Variants in PLCB4 observed in about 807,000 individuals in gnomAD.
The protein encoded by PLCB4 is 1-phosphatidylinositol 4,5-bisphosphate phosphodiesterase beta-4.
Under a neutral mutation model 178.8 loss-of-function variants are expected in PLCB4, and 77 were observed. The observed-to-expected ratio is 0.43, with a 90% CI of 0.36 to 0.52. PLCB4 has a LOEUF of 0.52. PLCB4 is among the 20% of genes least tolerant of loss of function. The pLI is 0.00. For synonymous variants in PLCB4, 496 were observed against 490.8 expected, an observed-to-expected ratio of 1.01 and a Z score of -0.14; for missense variants, 1,024 against 1,453.4, an observed-to-expected ratio of 0.70 and a Z score of 4.80.
chr20:9,280,428 C>G (rs945231651), intron 3 of PLCB4: 2 of 982,752 alleles, frequency 2.0e-6, no homozygotes, highest in African/African-American at 3.5e-5. Flanking sequence ...TTCTCCACTT[C>G]GATCTGAAAG....
At position 9,472,679 on chromosome 20, in the gene PLCB4, A is replaced by G. The variant is rs1373438785; in HGVS notation, c.3351-111A>G. The G allele has an allele frequency of 5.4e-6, 3 of 559,358 alleles. No homozygotes were observed. In the African/African-American group the frequency reaches 6.0e-5, roughly 11 times the overall value. 34.6% of individuals were successfully genotyped at this position (559,358 alleles called of 1,614,324 possible). A position where few individuals can be genotyped will look rare whatever the true frequency, so the allele number is the denominator to read the frequency against. ...TACTGCAATAACAATTAGAAAAATA[A>G]AGCAATAATTCCATCCAGAGAATTT... On this transcript the variant is annotated intron_variant, in intron 36 of 39. Transcript: ENST00000378473.
At chr20:9,402,217 G>A (rs1328020616) in intron 20 of PLCB4, among the ~76,000 whole-genome samples, 1 of 152,150 alleles carries the variant, frequency 6.6e-6, no homozygotes, top group Non-Finnish European at 1.5e-5. Flanking sequence ...TACAACTTAC[G>A]GTGAGTGCAA....
chr20:9,177,364 A>G (rs930514446), intron 2 of PLCB4, among the ~76,000 whole-genome samples: 1 of 152,198 alleles, frequency 6.6e-6, no homozygotes, highest in African/African-American at 2.4e-5. Flanking sequence ...AGATATGATA[A>G]CTAATTAAAC....
At position 9,457,404 on chromosome 20, in the gene PLCB4, C is replaced by G; in HGVS notation, c.2997-10C>G. Reference sequence around the variant, plus strand: ...ATTTCTGGCATGCATTTGCAACTTTCCATTTTCAGGGGAAGTAATTGTCTC... The same window carrying G: ...ATTTCTGGCATGCATTTGCAACTTTGCATTTTCAGGGGAAGTAATTGTCTC... On this transcript the variant is annotated splice_polypyrimidine_tract_variant and intron_variant, in intron 33 of 39. Transcript: ENST00000378473. The G allele has an allele frequency of 7.1e-7, 1 of 1,405,768 alleles. No homozygotes were observed. Among genetic ancestry groups the G allele is most frequent in the Non-Finnish European group, 1.0e-6 (1 of 990,096 alleles). The allele number at this position is 1,405,768 out of a possible 1,614,324, so 87.1% of individuals were successfully genotyped here.
intron 35 of PLCB4, among the ~76,000 whole-genome samples, chr20:9,461,974 A>G (rs1025553305): frequency 6.6e-6 from 1 of 152,130 alleles, no homozygotes; most frequent in African/African-American, 2.4e-5. Flanking sequence ...CCTGACCCCC[A>G]TGTAGCCTAA....
chr20:9,265,081 C>A (rs1259416294), intron 3 of PLCB4, among the ~76,000 whole-genome samples: 1 of 152,172 alleles, frequency 6.6e-6, no homozygotes, highest in East Asian at 1.9e-4. Flanking sequence ...CATTTAGAAA[C>A]CCTTTCTTGG....
At chr20:9,315,437 A>G (rs976233128) in intron 4 of PLCB4, among the ~76,000 whole-genome samples, 8 of 152,220 alleles carry the variant, frequency 5.3e-5, no homozygotes, top group African/African-American at 1.9e-4. Flanking sequence ...CAGCGGCAGG[A>G]GACCAACAAT....
chr20:9,142,550 A>C (rs1467229360), intron 2 of PLCB4, among the ~76,000 whole-genome samples: 1 of 152,136 alleles, frequency 6.6e-6, no homozygotes, highest in African/African-American at 2.4e-5. Flanking sequence ...TAAGCAGGGA[A>C]GTGAAAAAAG....
At chr20:9,393,180 C>T (rs13038149) in intron 17 of PLCB4, among the ~76,000 whole-genome samples, 11,854 of 152,174 alleles carry the variant, frequency 0.078, 515 homozygotes, top group African/African-American at 0.095. Flanking sequence ...CAGCCTGACA[C>T]TTGGGGGGAT....
At chr20:9,344,418 C>T (rs1194337391) in intron 7 of PLCB4, among the ~76,000 whole-genome samples, 1 of 152,216 alleles carries the variant, frequency 6.6e-6, no homozygotes, top group Non-Finnish European at 1.5e-5. Context: ...TTTTCTTCCT[C>T]TGTCTGCAGG....
chr20:9,367,085 A>G (rs1256348812), intron 9 of PLCB4, among the ~76,000 whole-genome samples: 1 of 152,156 alleles, frequency 6.6e-6, no homozygotes, highest in East Asian at 1.9e-4. Flanking sequence ...TCCATTCTGC[A>G]TCCCTGTGAG....
chr20:9,169,707 A>G (rs1290056030), intron 2 of PLCB4, among the ~76,000 whole-genome samples: 1 of 152,176 alleles, frequency 6.6e-6, no homozygotes, highest in African/African-American at 2.4e-5. Context: ...GTGATACTCC[A>G]AATTCTTCAG....
intron 1 of PLCB4, among the ~76,000 whole-genome samples, chr20:9,073,779 T>C (rs2089688629): frequency 6.6e-6 from 1 of 152,000 alleles, no homozygotes; most frequent in South Asian, 2.1e-4. Context: ...TCCTAGCTAC[T>C]TGGAAGGCTG....
At chr20:9,213,415 G>T (rs182447740) in intron 2 of PLCB4, among the ~76,000 whole-genome samples, 1 of 152,076 alleles carries the variant, frequency 6.6e-6, no homozygotes, top group African/African-American at 2.4e-5. Flanking sequence ...AAACTGTTGG[G>T]ATTACAGGCG....
chr20:9,244,255 T>C (rs2094100546), intron 3 of PLCB4, among the ~76,000 whole-genome samples: 1 of 152,224 alleles, frequency 6.6e-6, no homozygotes, highest in Non-Finnish European at 1.5e-5. Flanking sequence ...TCCCATTGCA[T>C]GTTGAATTCA....
Position 9,330,501 on chromosome 20 carries a change from T to G in PLCB4, c.85-6625T>G, listed in dbSNP as rs185920570. ...GGCAGAGGGGCCCTGCTTGGTCAAG[T>G]TTGCCCAAGTCAGACAGGCATGGGC... On this transcript the variant is annotated intron_variant, in intron 4 of 39. Coordinates refer to ENST00000378473, the MANE Select transcript of PLCB4 (RefSeq NM_001377142.1). Among the ~76,000 whole-genome samples the G allele has an allele frequency of 4.8e-3, 729 of 152,246 alleles. 11 individuals carry two copies. Among genetic ancestry groups the G allele is most frequent in the African/African-American group, 0.017 (699 of 41,546 alleles).
At chr20:9,361,109 T>C (rs1245808332) in intron 7 of PLCB4, among the ~76,000 whole-genome samples, 2 of 152,208 alleles carry the variant, frequency 1.3e-5, no homozygotes, top group South Asian at 2.1e-4. Flanking sequence ...AAAAACAGTA[T>C]GGTATTTCCT....
chr20:9,432,808 AG>A (rs1278771424), intron 28 of PLCB4, among the ~76,000 whole-genome samples: 1 of 152,222 alleles, frequency 6.6e-6, no homozygotes, highest in East Asian at 1.9e-4. Flanking sequence ...ACAGGGCAGA[AG>A]GATGCTGAGT....
intron 7 of PLCB4, among the ~76,000 whole-genome samples, chr20:9,362,096 G>C (rs530519538): frequency 5.9e-5 from 9 of 152,246 alleles, no homozygotes; most frequent in Admixed American, 3.3e-4. Flanking sequence ...GTGGGCCACC[G>C]TTCTATTTAA....
Sources: gnomAD v4.1 joint callset for allele counts (sites outside exome capture counted in the v4.1 genomes callset) on GRCh38, gnomAD v4.1.1 for gene constraint, MANE v1.5 for transcripts, NCBI Gene and HGNC (gene_info 2026-07-23, HGNC 2026-07-21) for gene names.